Variants in HERPUD2 observed in about 807,000 individuals in gnomAD.
HERPUD2 encodes homocysteine-responsive endoplasmic reticulum-resident ubiquitin-like domain member 2 protein.
In HERPUD2, 13 loss-of-function variants were observed where a neutral mutation model predicts 49.9. The observed-to-expected ratio is 0.26, with a 90% CI of 0.17 to 0.41. HERPUD2 has a LOEUF of 0.41. Ranked by LOEUF, HERPUD2 falls within the 10% of genes least tolerant of loss-of-function variation. The pLI is 1.00. For missense variants in HERPUD2, 449 were observed against 492.2 expected, an observed-to-expected ratio of 0.91 and a Z score of 0.83; for synonymous variants, 172 against 171.4, an observed-to-expected ratio of 1.00 and a Z score of -0.03.
intron 5 of HERPUD2, among the ~76,000 whole-genome samples, chr7:35,665,692 G>C (rs1441998899): frequency 1.3e-5 from 2 of 152,186 alleles, no homozygotes; most frequent in Non-Finnish European, 2.9e-5. Flanking sequence ...GTTCATGCTG[G>C]GAGCTGCAGA....
At chr7:35,685,480 T>C (rs1319172627) in intron 2 of HERPUD2, among the ~76,000 whole-genome samples, 2 of 151,564 alleles carry the variant, frequency 1.3e-5, no homozygotes, top group African/African-American at 2.4e-5. Flanking sequence ...CGTGCCACTA[T>C]GCCCAGCTAA....
intron 5 of HERPUD2, among the ~76,000 whole-genome samples, chr7:35,649,957 C>T (rs543276184): frequency 1.3e-5 from 2 of 152,142 alleles, no homozygotes; most frequent in South Asian, 2.1e-4. Flanking sequence ...ATGGAGTTTC[C>T]GGGCTAAGAG....
intron 1 of HERPUD2, 26 bp from the exon 2 acceptor site, chr7:35,694,653 T>C: frequency 3.2e-6 from 1 of 315,906 alleles, no homozygotes; most frequent in South Asian, 3.7e-5. Context: ...GTGGGAGGGA[T>C]GAGGGCACAA....
At chr7:35,667,331 A>C in intron 5 of HERPUD2, 103 bp downstream of exon 5, 1 of 1,044,466 alleles carries the variant, frequency 9.6e-7, no homozygotes, top group Middle Eastern at 2.2e-4. Context: ...GAATAAATTT[A>C]AAATGTACTT....
chr7:35,639,164 G>A (rs1264389016), intron 5 of HERPUD2, among the ~76,000 whole-genome samples: 1 of 152,010 alleles, frequency 6.6e-6, no homozygotes, highest in African/African-American at 2.4e-5. Flanking sequence ...AAGTAGCTGG[G>A]ACTACAGGCA....
chr7:35,636,119 T>G (rs139635866), intron 6 of HERPUD2, among the ~76,000 whole-genome samples: 2 of 152,322 alleles, frequency 1.3e-5, no homozygotes, highest in African/African-American at 4.8e-5. Context: ...CCTAGTAAAG[T>G]GATAATATAT....
intron 2 of HERPUD2, among the ~76,000 whole-genome samples, chr7:35,693,893 C>T (rs1165005532): frequency 6.6e-6 from 1 of 152,140 alleles, no homozygotes; most frequent in Non-Finnish European, 1.5e-5. Flanking sequence ...GCCTTGGCCT[C>T]CCAAAGTGCT....
chr7:35,693,977 TCTTA>T (rs1320412422), intron 2 of HERPUD2, among the ~76,000 whole-genome samples: 3 of 152,172 alleles, frequency 2.0e-5, no homozygotes, highest in Non-Finnish European at 4.4e-5. Context: ...TTCTGCTTCC[TCTTA>T]CTAATTAACT....
At chr7:35,677,579 C>T (rs572287650) in intron 2 of HERPUD2, among the ~76,000 whole-genome samples, 60 of 152,246 alleles carry the variant, frequency 3.9e-4, no homozygotes, top group African/African-American at 1.2e-3. Context: ...CAAATATATA[C>T]AACTTATAAA....
chr7:35,642,226 C>A (rs898523233), intron 5 of HERPUD2, among the ~76,000 whole-genome samples: 6 of 152,150 alleles, frequency 3.9e-5, no homozygotes, highest in Non-Finnish European at 8.8e-5. Flanking sequence ...CATCACTGAT[C>A]ACTACAGAAA....
At chr7:35,642,860 G>T (rs1784988353) in intron 5 of HERPUD2, among the ~76,000 whole-genome samples, 1 of 152,114 alleles carries the variant, frequency 6.6e-6, no homozygotes, top group South Asian at 2.1e-4. Flanking sequence ...CTGGGTACTA[G>T]GCTTAGTACC....
intron 2 of HERPUD2, among the ~76,000 whole-genome samples, chr7:35,686,822 TGGGGGGGTGGGGGGGGGC>T (rs1786068902): frequency 3.9e-4 from 1 of 2,534 alleles, no homozygotes; most frequent in Non-Finnish European, 6.1e-4. Flanking sequence ...GGGGGGGGGG[TGGGGGGGTGGGGGGGGGC>T]GCGAGTCACG....
chr7:35,686,595 T>G (rs1583572161), intron 2 of HERPUD2, among the ~76,000 whole-genome samples: 1 of 133,892 alleles, frequency 7.5e-6, no homozygotes, highest in East Asian at 2.4e-4. Flanking sequence ...GGCGGGCGCC[T>G]GTAGTCCCAG....
At chr7:35,647,681 T>C (rs1035523195) in intron 5 of HERPUD2, among the ~76,000 whole-genome samples, 2 of 152,102 alleles carry the variant, frequency 1.3e-5, no homozygotes, top group Non-Finnish European at 1.5e-5. Context: ...ATAGACAAAA[T>C]AGTCACTTCG....
intron 5 of HERPUD2, among the ~76,000 whole-genome samples, chr7:35,667,160 A>C (rs970417715): frequency 1.3e-5 from 2 of 152,126 alleles, no homozygotes; most frequent in Non-Finnish European, 2.9e-5. Context: ...GCCCCATCAT[A>C]CCTATTGAAT....
intron 2 of HERPUD2, among the ~76,000 whole-genome samples, chr7:35,693,966 T>G (rs1383360647): frequency 6.6e-6 from 1 of 152,162 alleles, no homozygotes; most frequent in South Asian, 2.1e-4. Context: ...TCCCTTGATA[T>G]TTCTGCTTCC....
At chr7:35,668,705 A>C (rs1373176238) in intron 4 of HERPUD2, 1 of 153,602 alleles carries the variant, frequency 6.5e-6, no homozygotes, top group Non-Finnish European at 1.5e-5. Flanking sequence ...ATAGATATCA[A>C]ATATCTTACT....
At chr7:35,693,367 A>G (rs1181207009) in intron 2 of HERPUD2, among the ~76,000 whole-genome samples, 4 of 152,216 alleles carry the variant, frequency 2.6e-5, no homozygotes, top group African/African-American at 7.2e-5. Context: ...TCTACAACTT[A>G]TAATTCTTTG....
chr7:35,659,421 G>A (rs1785359375), intron 5 of HERPUD2, among the ~76,000 whole-genome samples: 1 of 152,192 alleles, frequency 6.6e-6, no homozygotes, highest in Non-Finnish European at 1.5e-5. Context: ...ACACAGAGAT[G>A]CTTATAAATG....
Sources: gnomAD v4.1 joint callset for allele counts (sites outside exome capture counted in the v4.1 genomes callset) on GRCh38, gnomAD v4.1.1 for gene constraint, MANE v1.5 for transcripts, NCBI Gene and HGNC (gene_info 2026-07-23, HGNC 2026-07-21) for gene names.